The following MAPK10 variants were observed in gnomAD, a reference collection of about 807,000 sequenced individuals.
The protein encoded by MAPK10 is mitogen-activated protein kinase 10.
MAPK10 carries 25 observed loss-of-function variants against 59.3 expected under a neutral mutation model. The ratio of observed to expected loss-of-function variants is 0.42; its 90% CI spans 0.31 to 0.59. MAPK10 has a LOEUF of 0.59. MAPK10 is among the 20% of genes least tolerant of loss of function. The pLI is 0.15. For synonymous variants in MAPK10, 190 were observed against 200.5 expected, an observed-to-expected ratio of 0.95 and a Z score of 0.44; for missense variants, 351 against 568.9, an observed-to-expected ratio of 0.62 and a Z score of 3.90.
intron 11 of MAPK10, among the ~76,000 whole-genome samples, chr4:86,038,118 A>G (rs1401654842): frequency 6.6e-6 from 1 of 152,212 alleles, no homozygotes; most frequent in Non-Finnish European, 1.5e-5. Context: ...AAGTTGTACA[A>G]AGTTGTTCCT....
At chr4:86,260,938 G>T (rs2093958996) in intron 2 of MAPK10, among the ~76,000 whole-genome samples, 1 of 152,046 alleles carries the variant, frequency 6.6e-6, no homozygotes, top group East Asian at 1.9e-4. Context: ...TCCTCAGAGG[G>T]TTTACTGTCC....
chr4:86,346,281 C>G (rs1276899585), intron 2 of MAPK10, among the ~76,000 whole-genome samples: 1 of 152,224 alleles, frequency 6.6e-6, no homozygotes, highest in Non-Finnish European at 1.5e-5. Flanking sequence ...TACCAAAATC[C>G]AAGGATGTTC....
chr4:86,581,160 C>T (rs2149112409), intron 1 of MAPK10, among the ~76,000 whole-genome samples: 1 of 152,012 alleles, frequency 6.6e-6, no homozygotes, highest in East Asian at 1.9e-4. Context: ...CAACTTATTG[C>T]CAGAACTGCT....
intron 1 of MAPK10, among the ~76,000 whole-genome samples, chr4:86,558,907 G>A (rs1466764931): frequency 1.3e-5 from 2 of 151,616 alleles, no homozygotes; most frequent in African/African-American, 2.4e-5. Flanking sequence ...TAGGGTCCAC[G>A]GAAGCCATTC....
intron 1 of MAPK10, among the ~76,000 whole-genome samples, chr4:86,397,864 CAAAA>C (rs759585442): frequency 0.026 from 1,355 of 51,802 alleles, 25 homozygotes; most frequent in African/African-American, 0.078. Context: ...TCTGCTATGG[CAAAA>C]AAAAAAAAAA....
intron 2 of MAPK10, among the ~76,000 whole-genome samples, chr4:86,289,604 T>C (rs1007007414): frequency 6.7e-6 from 1 of 149,874 alleles, no homozygotes; most frequent in Non-Finnish European, 1.5e-5. Context: ...TGTTATATAA[T>C]AATATATTAT....
intron 4 of MAPK10, among the ~76,000 whole-genome samples, chr4:86,142,258 T>G (rs866293162): frequency 1.6e-4 from 25 of 152,342 alleles, no homozygotes; most frequent in Middle Eastern, 3.4e-3. Flanking sequence ...GGTATGCTAA[T>G]GTTTATGCAT....
chr4:86,462,092 G>A (rs752745455), intron 1 of MAPK10, among the ~76,000 whole-genome samples: 108 of 152,134 alleles, frequency 7.1e-4, no homozygotes, highest in Non-Finnish European at 1.3e-3. Flanking sequence ...CCGCCACAGC[G>A]CCACAGCCAG....
At chr4:86,206,960 G>A (rs2084212898) in intron 2 of MAPK10, among the ~76,000 whole-genome samples, 2 of 152,168 alleles carry the variant, frequency 1.3e-5, no homozygotes, top group South Asian at 2.1e-4. Context: ...TTTGTCAGAT[G>A]AGTAGGTTGC....
At chr4:86,338,277 ACT>A (rs1283019214) in intron 2 of MAPK10, among the ~76,000 whole-genome samples, 8 of 152,330 alleles carry the variant, frequency 5.3e-5, no homozygotes, top group African/African-American at 1.7e-4. Flanking sequence ...AAACACTAAA[ACT>A]AACTGGCTCT....
intron 1 of MAPK10, among the ~76,000 whole-genome samples, chr4:86,548,527 C>G (rs1434571007): frequency 6.6e-6 from 1 of 152,112 alleles, no homozygotes; most frequent in Non-Finnish European, 1.5e-5. Context: ...GAGGTGGGGT[C>G]TGGTGGGAGG....
At chr4:86,298,551 A>G (rs2095412064) in intron 2 of MAPK10, among the ~76,000 whole-genome samples, 1 of 152,142 alleles carries the variant, frequency 6.6e-6, no homozygotes, top group South Asian at 2.1e-4. Context: ...TTGAACTAAC[A>G]ACTGCTCCAC....
At chr4:86,570,856 A>C (rs2149108061) in intron 1 of MAPK10, among the ~76,000 whole-genome samples, 1 of 152,234 alleles carries the variant, frequency 6.6e-6, no homozygotes, top group South Asian at 2.1e-4. Flanking sequence ...AGGTTGGAGG[A>C]GGGTCTTTAG....
At chr4:86,344,050 G>C (rs1013319143) in intron 2 of MAPK10, among the ~76,000 whole-genome samples, 1 of 152,076 alleles carries the variant, frequency 6.6e-6, no homozygotes, top group African/African-American at 2.4e-5. Flanking sequence ...GAATATAAAG[G>C]GATCATGAGA....
intron 2 of MAPK10, among the ~76,000 whole-genome samples, chr4:86,300,339 C>T (rs1472204720): frequency 6.6e-6 from 1 of 152,128 alleles, no homozygotes; most frequent in Non-Finnish European, 1.5e-5. Flanking sequence ...TTAGAAAAGC[C>T]TGACTATCCA....
chr4:86,585,479 G>C (rs1255826988), intron 1 of MAPK10, among the ~76,000 whole-genome samples: 1 of 152,172 alleles, frequency 6.6e-6, no homozygotes, highest in Non-Finnish European at 1.5e-5. Context: ...AGACAATCTA[G>C]AACTCCCAAC....
chr4:86,551,528 TTTCC>T (rs71657575), intron 1 of MAPK10, among the ~76,000 whole-genome samples: 617 of 152,112 alleles, frequency 4.1e-3, no homozygotes, highest in African/African-American at 6.0e-3. Context: ...TCCTTCCATC[TTTCC>T]TTCCTTCCTT....
Position 86,160,679 on chromosome 4 carries a change from G to A in MAPK10, c.67-1212C>T, listed in dbSNP as rs988300861. ...ATTTCTCACATACCTCACAACTTGT[G>A]AGTGTCCTGCCAAAGCTTTAATTAG... On this transcript the variant is annotated intron_variant, in intron 3 of 13. Coordinates refer to ENST00000641462, the MANE Select transcript of MAPK10 (RefSeq NM_138982.4). Among the ~76,000 whole-genome samples the A allele has an allele frequency of 1.9e-4, 22 of 115,936 alleles. No homozygotes were observed. In the Admixed American group the frequency reaches 2.1e-3, roughly 11 times the overall value. The allele number at this position is 115,936 out of a possible 152,430, so 76.1% of individuals were successfully genotyped here. A position where few individuals can be genotyped will look rare whatever the true frequency, so the allele number is the denominator to read the frequency against.
intron 2 of MAPK10, among the ~76,000 whole-genome samples, chr4:86,303,200 T>C (rs1462347488): frequency 1.3e-5 from 2 of 152,190 alleles, no homozygotes; most frequent in African/African-American, 4.8e-5. Flanking sequence ...TTAAGCTTCT[T>C]CCTTCAACTC....
Sources: gnomAD v4.1 joint callset for allele counts (sites outside exome capture counted in the v4.1 genomes callset) on GRCh38, gnomAD v4.1.1 for gene constraint, MANE v1.5 for transcripts, NCBI Gene and HGNC (gene_info 2026-07-23, HGNC 2026-07-21) for gene names.